CHST11: variants seen among roughly 807,000 people sequenced by gnomAD.
The protein encoded by CHST11 is C4S-1.
CHST11 carries 9 observed loss-of-function variants against 30.4 expected under a neutral mutation model. The observed-to-expected ratio is 0.30, with a 90% CI of 0.18 to 0.52. The LOEUF (loss-of-function observed/expected upper bound fraction) is 0.52, where lower values mean the gene tolerates loss of function less well. Among genes scored for constraint, CHST11 ranks in the 20% least tolerant of loss-of-function variants. The pLI is 0.97. For missense variants in CHST11, 348 were observed against 460.6 expected (o/e 0.76, Z 2.24); for synonymous variants, 152 against 187.8 (o/e 0.81, Z 1.56).
intron 2 of CHST11, among the ~76,000 whole-genome samples, chr12:104,641,653 T>G (rs1417889002): frequency 6.6e-6 from 1 of 152,154 alleles, no homozygotes; most frequent in Non-Finnish European, 1.5e-5. Flanking sequence ...CTATATACTT[T>G]CCACTCAATT....
intron 2 of CHST11, among the ~76,000 whole-genome samples, chr12:104,628,617 C>G (rs2039242266): frequency 2.0e-5 from 3 of 151,404 alleles, no homozygotes; most frequent in African/African-American, 7.3e-5. Context: ...TAGAGCTGGC[C>G]CCTCCCTCCC....
At chr12:104,715,193 C>T (rs1173570432) in intron 2 of CHST11, among the ~76,000 whole-genome samples, 3 of 152,076 alleles carry the variant, frequency 2.0e-5, no homozygotes, top group Non-Finnish European at 4.4e-5. Flanking sequence ...GGTGTAACCC[C>T]ATCTCTACTA....
chr12:104,672,607 CTCCAAAGGG>C (rs1358170002), intron 2 of CHST11, among the ~76,000 whole-genome samples: 2 of 152,226 alleles, frequency 1.3e-5, no homozygotes, highest in African/African-American at 4.8e-5. Flanking sequence ...GCTTCACCAC[CTCCAAAGGG>C]ACCTCGGGAG....
intron 1 of CHST11, among the ~76,000 whole-genome samples, chr12:104,461,513 A>AG (rs2037407598): frequency 6.6e-6 from 1 of 152,320 alleles, no homozygotes; most frequent in South Asian, 2.1e-4. Context: ...GAGGCCCCCC[A>AG]GGCTGCATTG....
At position 104,761,464 on chromosome 12, in the gene CHST11, T is replaced by TACACACACAC. The variant is rs140486952; in HGVS notation, c.*3689_*3698dup. 0.04 allele frequency: 5,722 copies of TACACACACAC among 142,826 alleles called. 317 individuals carry two copies. The highest frequency in any genetic ancestry group is 0.11 in the African/African-American group (3,944 of 36,654). 8.8% of individuals were successfully genotyped at this position (142,826 alleles called of 1,614,324 possible). On this transcript the variant is annotated 3_prime_UTR_variant, in exon 3 of 3. Coordinates refer to ENST00000303694, the MANE Select transcript of CHST11 (RefSeq NM_018413.6). ...CTTGCTTTCCTAGCCAGTCCTCCCC[T>TACACACACAC]ACACACACACACACACACACACACA...
intron 2 of CHST11, among the ~76,000 whole-genome samples, chr12:104,675,412 T>C (rs749420740): frequency 4.6e-5 from 7 of 152,242 alleles, no homozygotes; most frequent in African/African-American, 7.2e-5. Flanking sequence ...CCCTGGGTGA[T>C]ACAGACTCAT....
chr12:104,529,597 C>A (rs920894733), intron 1 of CHST11, among the ~76,000 whole-genome samples: 3 of 152,154 alleles, frequency 2.0e-5, no homozygotes, highest in African/African-American at 7.2e-5. Flanking sequence ...GAGACCCAGC[C>A]TTCTATAGCT....
chr12:104,616,202 C>T (rs930526278), intron 2 of CHST11, among the ~76,000 whole-genome samples: 1 of 152,166 alleles, frequency 6.6e-6, no homozygotes, highest in East Asian at 1.9e-4. Context: ...TCCACTATGT[C>T]TAAAAGAAAC....
intron 1 of CHST11, among the ~76,000 whole-genome samples, chr12:104,550,484 A>G (rs996446394): frequency 3.3e-5 from 5 of 152,132 alleles, no homozygotes; most frequent in Non-Finnish European, 7.3e-5. Flanking sequence ...GTCTGTCACA[A>G]CTTTTCAGTT....
At chr12:104,534,342 G>A (rs1005903271) in intron 1 of CHST11, among the ~76,000 whole-genome samples, 1 of 152,140 alleles carries the variant, frequency 6.6e-6, no homozygotes, top group Non-Finnish European at 1.5e-5. Flanking sequence ...CCCTGAAACC[G>A]TCTGTGGTTT....
chr12:104,606,294 A>C lies in CHST11; in HGVS notation c.204+4303A>C, dbSNP rs139859595. Among the ~76,000 whole-genome samples the C allele has an allele frequency of 1.6e-3, 248 of 152,036 alleles. 7 individuals carry two copies. The East Asian group carries it at 0.04, about 24-fold the overall frequency. ...GTCTTCAGGGTGCTAAAGTAAACTT[A>C]CTTCTCCATCAGTTAGACTCCAGGA... is the stretch of plus-strand genomic sequence containing the variant. On this transcript the variant is annotated intron_variant, in intron 2 of 2. Transcript: ENST00000303694.
chr12:104,534,333 C>A (rs1178692310), intron 1 of CHST11, among the ~76,000 whole-genome samples: 4 of 152,136 alleles, frequency 2.6e-5, no homozygotes, highest in African/African-American at 9.7e-5. Context: ...AGACCTTGAC[C>A]CTGAAACCGT....
chr12:104,633,121 A>G (rs1349819913), intron 2 of CHST11, among the ~76,000 whole-genome samples: 1 of 152,188 alleles, frequency 6.6e-6, no homozygotes, highest in Non-Finnish European at 1.5e-5. Context: ...GGGAAGCAGG[A>G]TGAGGGGGCT....
intron 1 of CHST11, among the ~76,000 whole-genome samples, chr12:104,479,508 C>A (rs1243237325): frequency 6.6e-6 from 1 of 152,076 alleles, no homozygotes. Flanking sequence ...ATTGGTGTGG[C>A]CGGGATCACA....
intron 2 of CHST11, among the ~76,000 whole-genome samples, chr12:104,717,496 G>A (rs1318272046): frequency 1.3e-5 from 2 of 152,118 alleles, no homozygotes; most frequent in African/African-American, 4.8e-5. Flanking sequence ...CCAATAGGCT[G>A]GGCGCTGTGG....
intron 1 of CHST11, among the ~76,000 whole-genome samples, chr12:104,589,293 CTGAAG>C (rs2038834997): frequency 1.3e-5 from 2 of 150,980 alleles, no homozygotes. Flanking sequence ...CCCAGCTACT[CTGAAG>C]GTTGAGGTGG....
chr12:104,551,917 A>G (rs150521408), intron 1 of CHST11, among the ~76,000 whole-genome samples: 6 of 152,076 alleles, frequency 3.9e-5, no homozygotes, highest in African/African-American at 1.4e-4. Context: ...TGTGAAATTG[A>G]CACCTTCTCT....
chr12:104,537,732 G>C (rs1464086777), intron 1 of CHST11, among the ~76,000 whole-genome samples: 3 of 111,240 alleles, frequency 2.7e-5, no homozygotes, highest in Non-Finnish European at 5.1e-5. Context: ...GTCTCACTCT[G>C]TTCCCTAGGC....
At chr12:104,509,518 C>T (rs1053961058) in intron 1 of CHST11, among the ~76,000 whole-genome samples, 1 of 152,132 alleles carries the variant, frequency 6.6e-6, no homozygotes, top group Non-Finnish European at 1.5e-5. Flanking sequence ...GTCTCTGTAC[C>T]TTAACATCTA....
Sources: gnomAD v4.1 joint callset for allele counts (sites outside exome capture counted in the v4.1 genomes callset) on GRCh38, gnomAD v4.1.1 for gene constraint, MANE v1.5 for transcripts, NCBI Gene and HGNC (gene_info 2026-07-23, HGNC 2026-07-21) for gene names.